Variants in DAPK1 observed in about 807,000 individuals in gnomAD.
DAPK1 encodes death associated protein kinase 1, also known as death-associated protein kinase 1.
In DAPK1, 56 loss-of-function variants were observed where a neutral mutation model predicts 144.9. The observed-to-expected ratio is 0.39, with a 90% CI of 0.31 to 0.48. The LOEUF (loss-of-function observed/expected upper bound fraction) is 0.48, where lower values mean the gene tolerates loss of function less well. DAPK1 is among the 20% of genes least tolerant of loss of function. The pLI, the probability that DAPK1 is intolerant of heterozygous loss-of-function variation, is 0.95. For synonymous variants in DAPK1, 690 were observed against 749.0 expected, an observed-to-expected ratio of 0.92 and a Z score of 1.29; for missense variants, 1,454 against 1,875.4, an observed-to-expected ratio of 0.78 and a Z score of 4.15.
intron 3 of DAPK1, among the ~76,000 whole-genome samples, chr9:87,623,468 C>T (rs1374772855): frequency 6.6e-6 from 1 of 152,094 alleles, no homozygotes; most frequent in East Asian, 1.9e-4. Flanking sequence ...GCAGAGCTAA[C>T]AGGTTTGGTC....
intron 2 of DAPK1, among the ~76,000 whole-genome samples, chr9:87,569,864 C>T (rs765199776): frequency 2.0e-5 from 3 of 152,208 alleles, no homozygotes; most frequent in Admixed American, 6.5e-5. Context: ...CTTCAGAAAA[C>T]AACTTTCACT....
At chr9:87,701,345 G>C (rs1236539827) in intron 24 of DAPK1, among the ~76,000 whole-genome samples, 1 of 152,190 alleles carries the variant, frequency 6.6e-6, no homozygotes, top group Non-Finnish European at 1.5e-5. Flanking sequence ...AATAGAAATT[G>C]TGGAGAGTGT....
rs928819726 is a variant in DAPK1 at position 87,686,326 on chromosome 9, G to C, written c.2225-225G>C. ...GGACCAGCCACCCGGGCAACAGGGCGGGGCAGAAAAGGTTGTGGGGAGGTA... is the reference window on the plus strand; with the variant it reads ...GGACCAGCCACCCGGGCAACAGGGCCGGGCAGAAAAGGTTGTGGGGAGGTA... On this transcript the variant is annotated intron_variant, in intron 20 of 25. Coordinates refer to ENST00000408954, the MANE Select transcript of DAPK1 (RefSeq NM_004938.4). This position sits in a 1 kb window ranked among gnomAD's most constrained non-coding sequence, Gnocchi z 4.2. Among the ~76,000 whole-genome samples the C allele has an allele frequency of 1.3e-5, 2 of 152,116 alleles. No homozygotes were observed. Among genetic ancestry groups the C allele is most frequent in the African/African-American group, 4.8e-5 (2 of 41,422 alleles).
At chr9:87,597,955 C>T (rs945727091) in intron 2 of DAPK1, among the ~76,000 whole-genome samples, 1 of 152,232 alleles carries the variant, frequency 6.6e-6, no homozygotes, top group African/African-American at 2.4e-5. Flanking sequence ...TGCACCCTCT[C>T]TGCAACAGCA....
intron 3 of DAPK1, chr9:87,632,914 A>G (rs1587791304): frequency 1.1e-6 from 1 of 925,118 alleles, no homozygotes; most frequent in Non-Finnish European, 1.3e-6. Context: ...GTATATATAT[A>G]TATATATAAA....
intron 3 of DAPK1, among the ~76,000 whole-genome samples, chr9:87,626,025 C>G (rs990631315): frequency 6.6e-6 from 1 of 152,182 alleles, no homozygotes; most frequent in Non-Finnish European, 1.5e-5. Context: ...CAAACAGCCA[C>G]TAAACATGAC....
At chr9:87,644,566 G>T (rs1371009849) in intron 11 of DAPK1, among the ~76,000 whole-genome samples, 1 of 152,138 alleles carries the variant, frequency 6.6e-6, no homozygotes, top group Non-Finnish European at 1.5e-5. Context: ...AAGAGAAGCA[G>T]ATTAGGGCGA....
At chr9:87,524,929 T>C (rs1455076090) in intron 2 of DAPK1, among the ~76,000 whole-genome samples, 2 of 152,104 alleles carry the variant, frequency 1.3e-5, no homozygotes, top group African/African-American at 4.8e-5. Context: ...AGACTACAAA[T>C]GGGGTGCATT....
intron 17 of DAPK1, among the ~76,000 whole-genome samples, chr9:87,655,044 CT>C (rs1055555195): frequency 6.6e-6 from 1 of 152,222 alleles, no homozygotes; most frequent in African/African-American, 2.4e-5. Flanking sequence ...CTGACATAAA[CT>C]TGTGTAATCA....
At chr9:87,571,436 AACACACACACAC>A (rs374135959) in intron 2 of DAPK1, among the ~76,000 whole-genome samples, 1 of 13,020 alleles carries the variant, frequency 7.7e-5, no homozygotes, top group Non-Finnish European at 1.4e-4. Flanking sequence ...CCCACCCCCC[AACACACACACAC>A]ACACACACAC....
chr9:87,530,460 A>G (rs1825661573), intron 2 of DAPK1, among the ~76,000 whole-genome samples: 1 of 152,204 alleles, frequency 6.6e-6, no homozygotes, highest in South Asian at 2.1e-4. Context: ...AGTGTCTCCA[A>G]GGGTCAAATC....
At chr9:87,525,323 T>C (rs920382048) in intron 2 of DAPK1, 26 of 1,609,858 alleles carry the variant, frequency 1.6e-5, no homozygotes, top group African/African-American at 2.7e-5. Flanking sequence ...GCAGCTGTAC[T>C]GGAGCCACCC....
rs371858756 is a variant in DAPK1, at chr9:87,643,577, C to G, written c.1011+109C>G. The stretch of plus-strand genomic sequence containing the variant: ...CAGGAACCTGAAGTTGTGGAAATGG[C>G]AAGCTTATTCTTGATCCCCTCGGAG... On this transcript the variant is annotated intron_variant, in intron 11 of 25. Coordinates refer to ENST00000408954, the MANE Select transcript of DAPK1 (RefSeq NM_004938.4). The G allele has an allele frequency of 6.3e-5, 46 of 731,980 alleles. 1 individual carries two copies. In the South Asian group the frequency reaches 7.8e-4, roughly 12 times the overall value. 45.3% of individuals were successfully genotyped at this position (731,980 alleles called of 1,614,324 possible). A position where few individuals can be genotyped will look rare whatever the true frequency, so the allele number is the denominator to read the frequency against.
At chr9:87,667,997 G>T in intron 18 of DAPK1, 1 of 152,738 alleles carries the variant, frequency 6.5e-6, no homozygotes, top group South Asian at 2.1e-4. Context: ...AATTTATTCA[G>T]TGTGAAACTG....
intron 2 of DAPK1, among the ~76,000 whole-genome samples, chr9:87,534,329 C>T (rs1825796113): frequency 1.3e-5 from 2 of 150,590 alleles, no homozygotes; most frequent in Non-Finnish European, 2.9e-5. Flanking sequence ...ACAATTTCTG[C>T]CTCTCCCAAT....
intron 3 of DAPK1, among the ~76,000 whole-genome samples, chr9:87,605,531 CCT>C (rs36207724): frequency 1.7e-5 from 2 of 115,592 alleles, no homozygotes; most frequent in Non-Finnish European, 3.8e-5. Flanking sequence ...CTATTCCTTT[CCT>C]CTCTCTGTTT....
Position 87,566,140 on chromosome 9 carries a change from C to T in DAPK1, c.63-38814C>T, listed in dbSNP as rs36232906. On this transcript the variant is annotated intron_variant, in intron 2 of 25. Coordinates refer to ENST00000408954, the MANE Select transcript of DAPK1 (RefSeq NM_004938.4). Reference sequence around the variant, plus strand: ...GGTTCACGCCATTCTCCTGCCTCAGCCTCCCAAGTAGCTGGGACTACAGTC... The same window carrying T: ...GGTTCACGCCATTCTCCTGCCTCAGTCTCCCAAGTAGCTGGGACTACAGTC... Among the ~76,000 whole-genome samples, 768 of 152,024 alleles carry T rather than the reference C, an allele frequency of 5.1e-3. 12 individuals are homozygous for T. The highest frequency in any genetic ancestry group is 0.037 in the Admixed American group (569 of 15,258).
intron 3 of DAPK1, among the ~76,000 whole-genome samples, chr9:87,629,310 G>A (rs772557222): frequency 6.6e-6 from 1 of 152,190 alleles, no homozygotes; most frequent in South Asian, 2.1e-4. Flanking sequence ...AAGCCCAGGA[G>A]CACAGAGATT....
chr9:87,651,646 T>C lies in DAPK1; in HGVS notation c.1746T>C (p.His582=), dbSNP rs895439116. 3 of 1,614,050 alleles carry C rather than the reference T, an allele frequency of 1.9e-6. No individual in the cohort carries two copies. Among genetic ancestry groups the C allele is most frequent in the Non-Finnish European group, 1.7e-6 (2 of 1,180,020 alleles). The change falls in exon 17 of 26, where the codon CAT becomes CAC. Residue 582 remains histidine, a synonymous_variant. Transcript: ENST00000408954. ...YQDRHGNTPL[H]VACKDGNMPI... ...ACAGGCACGGCAATACTCCCCTCCATGTGGCATGTAAAGATGGCAACATGC... is the reference window on the plus strand; with the variant it reads ...ACAGGCACGGCAATACTCCCCTCCACGTGGCATGTAAAGATGGCAACATGC...
Sources: gnomAD v4.1 joint callset for allele counts (sites outside exome capture counted in the v4.1 genomes callset) on GRCh38, gnomAD v4.1.1 for gene constraint, Gnocchi (gnomAD v3.1) non-coding constraint, MANE v1.5 for transcripts, NCBI Gene and HGNC (gene_info 2026-07-23, HGNC 2026-07-21) for gene names.